Variants in KCNN2 observed in about 807,000 individuals in gnomAD.
KCNN2 encodes the protein small conductance calcium-activated potassium channel protein 2.
Under a neutral mutation model 55.5 loss-of-function variants are expected in KCNN2, and 24 were observed. That is an observed-to-expected ratio of 0.43 (90% CI 0.31 to 0.61). KCNN2 has a LOEUF of 0.61. Ranked by LOEUF, KCNN2 falls within the 20% of genes least tolerant of loss-of-function variation. The pLI, the probability that KCNN2 is intolerant of heterozygous loss-of-function variation, is 0.08. For missense variants in KCNN2, 754 were observed against 853.6 expected (o/e 0.88, Z 1.45); for synonymous variants, 431 against 336.1 (o/e 1.28, Z -3.09).
chr5:114,171,679 C>CT (rs61254407), intron 1 of KCNN2, among the ~76,000 whole-genome samples: 120,332 of 147,406 alleles, frequency 0.82, 49,854 homozygotes, highest in East Asian at 0.94. Flanking sequence ...TTCTTATATG[C>CT]TTTTTTTTTT....
intron 6 of KCNN2, among the ~76,000 whole-genome samples, chr5:114,489,893 T>G (rs1291683878): frequency 6.6e-6 from 1 of 152,166 alleles, no homozygotes; most frequent in Non-Finnish European, 1.5e-5. Flanking sequence ...GATAGATCAC[T>G]CCTGGCCTCT....
chr5:114,145,893 A>G (rs1191813694), intron 1 of KCNN2, among the ~76,000 whole-genome samples: 1 of 152,086 alleles, frequency 6.6e-6, no homozygotes, highest in Non-Finnish European at 1.5e-5. Flanking sequence ...TGTCTGTTGT[A>G]AAGGAGTTAG....
chr5:114,173,438 TTGTGTGTG>T (rs61630138), intron 1 of KCNN2, among the ~76,000 whole-genome samples: 43,616 of 142,028 alleles, frequency 0.31, 6,591 homozygotes, highest in East Asian at 0.54. Context: ...TTTGTTTTGT[TTGTGTGTG>T]TGTGTGTGTG....
intron 1 of KCNN2, among the ~76,000 whole-genome samples, chr5:114,181,998 A>C (rs1398646113): frequency 7.0e-6 from 1 of 142,082 alleles, no homozygotes; most frequent in Non-Finnish European, 1.5e-5. Flanking sequence ...TGGGCAACAG[A>C]GGGAGAAGCT....
chr5:114,406,603 A>G (rs762063084), intron 3 of KCNN2, among the ~76,000 whole-genome samples: 3 of 151,208 alleles, frequency 2.0e-5, no homozygotes, highest in Non-Finnish European at 4.4e-5. Context: ...TATACTTGTC[A>G]CTAAATCATC....
intron 1 of KCNN2, among the ~76,000 whole-genome samples, chr5:114,195,660 G>T (rs564391530): frequency 6.6e-6 from 1 of 151,886 alleles, no homozygotes; most frequent in South Asian, 2.1e-4. Flanking sequence ...TTTCAATCTG[G>T]ATGCCTTTTA....
intron 1 of KCNN2, among the ~76,000 whole-genome samples, chr5:114,155,128 A>T (rs138109700): frequency 6.6e-6 from 1 of 152,242 alleles, no homozygotes; most frequent in East Asian, 1.9e-4. Flanking sequence ...ACTAAGTGAG[A>T]ACATGTGGTA....
intron 2 of KCNN2, among the ~76,000 whole-genome samples, chr5:114,282,080 A>T (rs150373670): frequency 0.022 from 3,388 of 152,154 alleles, 59 homozygotes; most frequent in Non-Finnish European, 0.035. Context: ...TCTTGTATAT[A>T]TCCATATTTT....
At chr5:114,453,384 T>C (rs1014689260) in intron 3 of KCNN2, among the ~76,000 whole-genome samples, 4 of 152,212 alleles carry the variant, frequency 2.6e-5, no homozygotes, top group African/African-American at 4.8e-5. Context: ...AGGCAAGCAT[T>C]TGAATATTTA....
At chr5:114,218,011 A>G (rs184616241) in intron 1 of KCNN2, among the ~76,000 whole-genome samples, 72 of 152,338 alleles carry the variant, frequency 4.7e-4, no homozygotes, top group African/African-American at 1.5e-3. Context: ...ATCATGTATC[A>G]TAAGGGAAAT....
chr5:114,289,698 G>C (rs1755843105), intron 2 of KCNN2, among the ~76,000 whole-genome samples: 1 of 152,070 alleles, frequency 6.6e-6, no homozygotes, highest in Admixed American at 6.6e-5. Context: ...TTCTATTTCT[G>C]AGAAAAGGAC....
At chr5:114,244,016 A>G (rs183725908) in intron 2 of KCNN2, among the ~76,000 whole-genome samples, 1 of 152,338 alleles carries the variant, frequency 6.6e-6, no homozygotes, top group African/African-American at 2.4e-5. Context: ...TGTTAACCCT[A>G]AGAGAAACCT....
intron 2 of KCNN2, among the ~76,000 whole-genome samples, chr5:114,294,159 A>C (rs1205862668): frequency 4.6e-5 from 7 of 151,946 alleles, no homozygotes; most frequent in Admixed American, 4.6e-4. Context: ...GGATGCATTA[A>C]TTTTTTGAAG....
chr5:114,302,794 C>T (rs909031427), intron 2 of KCNN2, among the ~76,000 whole-genome samples: 9 of 152,050 alleles, frequency 5.9e-5, no homozygotes, highest in African/African-American at 1.7e-4. Context: ...CTCTGAAGTG[C>T]CTCAATCATA....
intron 2 of KCNN2, among the ~76,000 whole-genome samples, chr5:114,376,254 A>G (rs1580764673): frequency 6.6e-6 from 1 of 152,098 alleles, no homozygotes; most frequent in Non-Finnish European, 1.5e-5. Flanking sequence ...CACAGAAGGA[A>G]AGGGGACATG....
At chr5:114,198,961 AT>A (rs759051574) in intron 1 of KCNN2, among the ~76,000 whole-genome samples, 1 of 152,192 alleles carries the variant, frequency 6.6e-6, no homozygotes, top group Non-Finnish European at 1.5e-5. Flanking sequence ...CTAAAATCCA[AT>A]GTAAGTTCAA....
At chr5:114,150,599 C>T (rs945566973) in intron 1 of KCNN2, among the ~76,000 whole-genome samples, 3 of 152,098 alleles carry the variant, frequency 2.0e-5, no homozygotes, top group Non-Finnish European at 4.4e-5. Context: ...CTATATCTGG[C>T]CAATTTAATA....
chr5:114,382,367 A>C (rs1173361756), intron 2 of KCNN2, among the ~76,000 whole-genome samples: 1 of 152,190 alleles, frequency 6.6e-6, no homozygotes, highest in Non-Finnish European at 1.5e-5. Context: ...TACTAAATAA[A>C]GTAAATTTTT....
intron 2 of KCNN2, among the ~76,000 whole-genome samples, chr5:114,291,242 G>C (rs1755880593): frequency 6.6e-6 from 1 of 151,708 alleles, no homozygotes; most frequent in Non-Finnish European, 1.5e-5. Flanking sequence ...ACAATGTGCA[G>C]GTTTGTTAAA....
Sources: allele counts gnomAD v4.1 joint callset (sites outside exome capture counted in the v4.1 genomes callset), GRCh38; gene constraint gnomAD v4.1.1; transcripts MANE v1.5; gene names NCBI Gene and HGNC (gene_info 2026-07-23, HGNC 2026-07-21).